Variants in SMIM21 observed in about 807,000 individuals in gnomAD.
SMIM21 encodes the protein small integral membrane protein 21.
SMIM21 carries 8 observed loss-of-function variants against 8.6 expected under a neutral mutation model. The ratio of observed to expected loss-of-function variants is 0.93; its 90% CI spans 0.55 to 1.68. The LOEUF is 1.68. Among genes scored for constraint, SMIM21 ranks in the 40% most tolerant of loss-of-function variants. The pLI is 0.00. For missense variants in SMIM21, 132 were observed against 123.0 expected (o/e 1.07, Z -0.35); for synonymous variants, 43 against 41.7 (o/e 1.03, Z -0.12).
At position 75,410,633 on chromosome 18, in the gene SMIM21, G is replaced by T; in HGVS notation, c.*231C>A. 8.2e-7 allele frequency: 1 copy of T among 1,216,054 alleles called. No homozygotes were observed. The highest frequency in any genetic ancestry group is 1.1e-6 in the Non-Finnish European group (1 of 935,376). 75.3% of individuals were successfully genotyped at this position (1,216,054 alleles called of 1,614,324 possible). A position where few individuals can be genotyped will look rare whatever the true frequency, so the allele number is the denominator to read the frequency against. ...TTCGCAGGGTTGGGTGGCATCTGCA[G>T]CTCTCCTCCGGAATATTCCTGAACA... On this transcript the variant is annotated 3_prime_UTR_variant, in exon 3 of 3. Transcript: ENST00000579022.
In SMIM21 at chr18:75,427,542, C is replaced by A; in HGVS notation, c.22G>T (p.Ala8Ser). 2 of 1,612,686 alleles carry A rather than the reference C, an allele frequency of 1.2e-6. No homozygotes were observed. Among genetic ancestry groups the A allele is most frequent in the African/African-American group, 1.3e-5 (1 of 75,018 alleles). MDQYVST[A>S]PPRFPIAQLG... ...TGTGCTATAGGGAATCGGGGAGGAG[C>A]TGTGGACACATACTGGTCCATGTGG... is the stretch of plus-strand genomic sequence containing the variant. Residue 8 changes from alanine to serine, a missense_variant, in exon 1 of 3, where the codon GCT (alanine) becomes TCT (serine). Transcript: ENST00000579022.
chr18:75,417,153 G>C (rs1370285772), intron 2 of SMIM21: 1 of 152,176 alleles, frequency 6.6e-6, no homozygotes, highest in African/African-American at 2.4e-5. Context: ...ATCCTCCCCG[G>C]GCAGGAGAAG....
chr18:75,427,537 A>G lies in SMIM21; in HGVS notation c.27T>C (p.Pro9=), dbSNP rs976872341. 7.4e-6 allele frequency: 12 copies of G among 1,612,516 alleles called. No homozygotes were observed. Among genetic ancestry groups the G allele is most frequent in the Non-Finnish European group, 8.5e-6 (10 of 1,179,372 alleles). The change falls in exon 1 of 3, where the codon CCT becomes CCC. Residue 9 remains proline, a synonymous_variant. Coordinates refer to ENST00000579022, the MANE Select transcript of SMIM21 (RefSeq NM_001037331.3). MDQYVSTA[P]PRFPIAQLGT... ...CCAGCTGTGCTATAGGGAATCGGGG[A>G]GGAGCTGTGGACACATACTGGTCCA... is the stretch of plus-strand genomic sequence containing the variant.
intron 2 of SMIM21, among the ~76,000 whole-genome samples, chr18:75,413,516 CTG>C (rs954598072): frequency 3.9e-5 from 6 of 152,190 alleles, no homozygotes; most frequent in African/African-American, 1.4e-4. Context: ...GATCCAATGT[CTG>C]TACTTAAACC....
At chr18:75,415,839 T>G (rs1316057341) in intron 2 of SMIM21, among the ~76,000 whole-genome samples, 2 of 152,246 alleles carry the variant, frequency 1.3e-5, no homozygotes, top group African/African-American at 4.8e-5. Flanking sequence ...ATGGTGGCAT[T>G]ACAATTTATT....
rs1034434178 is a variant in SMIM21 at position 75,424,016 on chromosome 18, G to A, written c.129+3419C>T. Among the ~76,000 whole-genome samples, 8 of 149,452 alleles carry A rather than the reference G, an allele frequency of 5.4e-5. No homozygotes were observed. The East Asian group carries it at 7.8e-4, about 15-fold the overall frequency. On this transcript the variant is annotated intron_variant, in intron 1 of 2. Coordinates refer to ENST00000579022, the MANE Select transcript of SMIM21 (RefSeq NM_001037331.3). Reference sequence around the variant, plus strand: ...ATCTACCACTCAGATTGAACTGTTCGTTGCAATGCATTGCTTCAAGAATGT... The same window carrying A: ...ATCTACCACTCAGATTGAACTGTTCATTGCAATGCATTGCTTCAAGAATGT...
chr18:75,412,798 A>G (rs556631835), intron 2 of SMIM21, among the ~76,000 whole-genome samples: 73 of 152,276 alleles, frequency 4.8e-4, no homozygotes, highest in African/African-American at 1.7e-3. Context: ...CACTCCTAGT[A>G]AAATACTTGA....
intron 2 of SMIM21, chr18:75,416,981 C>G (rs753209489): frequency 6.6e-6 from 1 of 152,186 alleles, no homozygotes; most frequent in Non-Finnish European, 1.5e-5. Flanking sequence ...GAACACAGAG[C>G]TTCCTTTAGG....
At chr18:75,415,501 A>G (rs1463435154) in intron 2 of SMIM21, among the ~76,000 whole-genome samples, 1 of 152,208 alleles carries the variant, frequency 6.6e-6, no homozygotes, top group African/African-American at 2.4e-5. Context: ...GAAGATGAGC[A>G]TTCTGACTTG....
intron 1 of SMIM21, among the ~76,000 whole-genome samples, chr18:75,426,402 C>A (rs111551020): frequency 1.3e-5 from 2 of 151,770 alleles, no homozygotes; most frequent in Non-Finnish European, 2.9e-5. Context: ...CTCTGCCTCC[C>A]GGGTTCACAC....
In SMIM21 at chr18:75,427,491, CAG is replaced by C; in HGVS notation, c.71_72del (p.Ser24CysfsTer21). On this transcript the variant is annotated frameshift_variant, in exon 1 of 3. Transcript: ENST00000579022. LOFTEE classifies it high-confidence loss of function. ...IAQLGTFKQDSAGMGRIFKGN... is the reference protein window; with the variant it reads ...IAQLGTFKQDXAGMGRIFKGN... ...CCCTTGAATATCCGTCCCATTCCTG[CAG>C]AGTCTTGTTTAAATGTTCCCAGCTG... The C allele has an allele frequency of 6.2e-7, 1 of 1,614,086 alleles. No individual in the cohort carries two copies. The highest frequency in any genetic ancestry group is 1.1e-5 in the South Asian group (1 of 91,056).
chr18:75,427,356 A>G (rs1318970614), intron 1 of SMIM21, 79 bp downstream of exon 1: 24 of 1,457,500 alleles, frequency 1.6e-5, no homozygotes, highest in Non-Finnish European at 2.1e-5. Flanking sequence ...AGATTGGGGC[A>G]AAAGAGTGCT....
intron 1 of SMIM21, among the ~76,000 whole-genome samples, chr18:75,420,922 G>T (rs2024701562): frequency 6.6e-6 from 1 of 152,170 alleles, no homozygotes; most frequent in Non-Finnish European, 1.5e-5. Context: ...ACTGCCAGTA[G>T]TGAGAGAGTA....
Position 75,410,901 on chromosome 18 carries a change from C to T in SMIM21, c.269G>A (p.Arg90His), listed in dbSNP as rs148196575. The T allele has an allele frequency of 1.0e-4, 166 of 1,613,788 alleles. No individual in the cohort carries two copies. Among genetic ancestry groups the T allele is most frequent in the Non-Finnish European group, 1.3e-4 (154 of 1,179,976 alleles). ...RANSIFRNFLRLKSSRNTAEA... is the reference protein window; with the variant it reads ...RANSIFRNFLHLKSSRNTAEA... ...TGCTGTGTTCCTGGATGACTTCAAA[C>T]GTAGAAAGCTGCAAGAGACAAAAGG... The change falls in exon 3 of 3, where the codon CGT becomes CAT. Residue 90 changes from arginine (R) to histidine (H), a missense_variant. Transcript: ENST00000579022.
chr18:75,425,009 C>T (rs115959083), intron 1 of SMIM21, among the ~76,000 whole-genome samples: 234 of 152,328 alleles, frequency 1.5e-3, no homozygotes, highest in African/African-American at 5.4e-3. Context: ...TCCCTCAAGT[C>T]TCATGGCGAT....
At chr18:75,424,453 G>C (rs1051475030) in intron 1 of SMIM21, among the ~76,000 whole-genome samples, 1 of 152,102 alleles carries the variant, frequency 6.6e-6, no homozygotes, top group East Asian at 1.9e-4. Flanking sequence ...GGTATGTTTA[G>C]GATACAGCAC....
At chr18:75,427,335 G>A (rs1315699405) in intron 1 of SMIM21, 100 bp downstream of exon 1, 11 of 1,273,640 alleles carry the variant, frequency 8.6e-6, no homozygotes, top group African/African-American at 3.0e-5. Flanking sequence ...GAGAGACAGA[G>A]CACTCACAGG....
intron 2 of SMIM21, among the ~76,000 whole-genome samples, chr18:75,411,875 T>G (rs1343594280): frequency 1.3e-5 from 2 of 152,288 alleles, no homozygotes; most frequent in South Asian, 2.1e-4. Flanking sequence ...TAAGTCATAA[T>G]CCCATCTGCT....
At chr18:75,416,375 G>A (rs1360351881) in intron 2 of SMIM21, 1 of 152,124 alleles carries the variant, frequency 6.6e-6, no homozygotes, top group African/African-American at 2.4e-5. Flanking sequence ...GGTATTGTCT[G>A]TCATTTTCTT....
Sources: allele counts gnomAD v4.1 joint callset (sites outside exome capture counted in the v4.1 genomes callset), GRCh38; gene constraint gnomAD v4.1.1; transcripts MANE v1.5; gene names NCBI Gene and HGNC (gene_info 2026-07-23, HGNC 2026-07-21).